The following EYS variants were observed in gnomAD, a reference collection of about 807,000 sequenced individuals.
EYS encodes the protein EGF-like photoreceptor maintenance factor, also known as protein eyes shut homolog.
EYS carries 250 observed loss-of-function variants against 282.1 expected under a neutral mutation model. That is an observed-to-expected ratio of 0.89 (90% CI 0.80 to 0.98). EYS has a LOEUF of 0.98. Ranked by LOEUF, EYS falls within the 50% of genes least tolerant of loss-of-function variation. The probability of loss-of-function intolerance (pLI) is 0.00; values close to 1 mark genes in which losing one functional copy is unlikely to be tolerated. For missense variants in EYS, 4,016 were observed against 3,709.0 expected, an observed-to-expected ratio of 1.08 and a Z score of -2.15; for synonymous variants, 1,355 against 1,282.9, an observed-to-expected ratio of 1.06 and a Z score of -1.20.
chr6:64,857,871 T>C (rs551730858), intron 19 of EYS, among the ~76,000 whole-genome samples: 5 of 152,310 alleles, frequency 3.3e-5, no homozygotes, highest in African/African-American at 1.2e-4. Flanking sequence ...GTTGAGCATT[T>C]TTTCATATAC....
intron 32 of EYS, among the ~76,000 whole-genome samples, chr6:64,081,230 A>G (rs1430526307): frequency 2.0e-5 from 3 of 152,172 alleles, no homozygotes; most frequent in African/African-American, 7.2e-5. Context: ...CAAAAGAGAA[A>G]ACAATTGTCA....
At chr6:65,350,573 T>A (rs958352228) in intron 9 of EYS, among the ~76,000 whole-genome samples, 1 of 151,718 alleles carries the variant, frequency 6.6e-6, no homozygotes, top group African/African-American at 2.4e-5. Context: ...GAAAGAGATT[T>A]AAAAGAATTT....
At chr6:65,438,858 A>G (rs900774639) in intron 5 of EYS, among the ~76,000 whole-genome samples, 2 of 152,098 alleles carry the variant, frequency 1.3e-5, no homozygotes, top group Non-Finnish European at 2.9e-5. Flanking sequence ...CTTTAGTTTA[A>G]TTAGATCCCA....
chr6:65,386,661 T>A (rs1386152469), intron 7 of EYS, among the ~76,000 whole-genome samples: 2 of 151,926 alleles, frequency 1.3e-5, no homozygotes, highest in Non-Finnish European at 2.9e-5. Context: ...TGGACCTTTT[T>A]AATAAATGTG....
At position 64,947,382 on chromosome 6, in the gene EYS, C is replaced by T. The variant is rs138831260; in HGVS notation, c.2260-1468G>A. On this transcript the variant is annotated intron_variant, in intron 14 of 42. Coordinates refer to ENST00000503581, the MANE Select transcript of EYS (RefSeq NM_001142800.2). ...AATGTATAAGAAGTTCTACTCAGTA[C>T]TGTGCTTTGGTTGAACAGGGCCAAT... is the stretch of plus-strand genomic sequence containing the variant. Among the ~76,000 whole-genome samples the T allele has an allele frequency of 8.5e-3, 1,298 of 151,902 alleles. 17 individuals carry two copies. Among genetic ancestry groups the T allele is most frequent in the African/African-American group, 0.029 (1,201 of 41,508 alleles).
chr6:64,688,179 C>G lies in EYS; in HGVS notation c.3444-61934G>C, dbSNP rs191647899. On this transcript the variant is annotated intron_variant, in intron 22 of 42. Transcript: ENST00000503581. ...GTGGATCTTTTCAAAAAAACAGCTC[C>G]CGGATTCATTGATTTTTTTAATGGT... 2.3e-3 allele frequency among the ~76,000 whole-genome samples: 344 copies of G among 151,862 alleles called. 3 individuals carry two copies. The highest frequency in any genetic ancestry group is 4.6e-3 in the Admixed American group (70 of 15,226).
At chr6:64,884,894 T>A (rs1185321463) in intron 19 of EYS, among the ~76,000 whole-genome samples, 1 of 151,668 alleles carries the variant, frequency 6.6e-6, no homozygotes, top group Non-Finnish European at 1.5e-5. Context: ...TGAGCAGTTT[T>A]GCTCAGTGAC....
At chr6:63,780,788 A>T (rs1291558348) in intron 39 of EYS, among the ~76,000 whole-genome samples, 1 of 152,132 alleles carries the variant, frequency 6.6e-6, no homozygotes, top group Admixed American at 6.6e-5. Context: ...TTTTGTTGCC[A>T]TTGCTTTTGA....
chr6:64,936,697 C>A (rs930868128), intron 15 of EYS, among the ~76,000 whole-genome samples: 2 of 151,202 alleles, frequency 1.3e-5, no homozygotes, highest in Non-Finnish European at 3.0e-5. Context: ...GATTCAAATT[C>A]TTAAGAATAG....
intron 35 of EYS, among the ~76,000 whole-genome samples, chr6:63,903,280 G>A (rs1375165674): frequency 2.0e-5 from 3 of 152,114 alleles, no homozygotes; most frequent in African/African-American, 7.2e-5. Context: ...TACATGTGAG[G>A]GGTAGGAAGG....
intron 32 of EYS, among the ~76,000 whole-genome samples, chr6:64,072,532 G>T (rs1050000158): frequency 6.6e-5 from 10 of 151,692 alleles, no homozygotes; most frequent in African/African-American, 2.4e-4. Flanking sequence ...GTGAGGTGGT[G>T]GTTGGGAGTT....
chr6:65,335,291 C>A, intron 10 of EYS, 145 bp from the exon 11 acceptor site: 1 of 694,640 alleles, frequency 1.4e-6, no homozygotes. Flanking sequence ...AACTATTGGA[C>A]AAGGGTTCAA....
chr6:64,647,867 G>C (rs1275628692), intron 22 of EYS, among the ~76,000 whole-genome samples: 1 of 152,074 alleles, frequency 6.6e-6, no homozygotes, highest in African/African-American at 2.4e-5. Context: ...GTGATCATAA[G>C]GGTTTATAGA....
intron 31 of EYS, among the ~76,000 whole-genome samples, chr6:64,175,644 A>G (rs1764605888): frequency 6.6e-6 from 1 of 152,200 alleles, no homozygotes; most frequent in East Asian, 1.9e-4. Flanking sequence ...ATCTCACCAG[A>G]TCAGCTTCAG....
chr6:63,901,508 C>G (rs984258765), intron 35 of EYS, among the ~76,000 whole-genome samples: 1 of 152,144 alleles, frequency 6.6e-6, no homozygotes, highest in African/African-American at 2.4e-5. Context: ...TATAACTTTA[C>G]AAATCCAAGA....
At chr6:65,082,533 A>G (rs1481998776) in intron 12 of EYS, among the ~76,000 whole-genome samples, 2 of 152,098 alleles carry the variant, frequency 1.3e-5, no homozygotes, top group African/African-American at 4.8e-5. Flanking sequence ...AAAAATCATA[A>G]CATACTCTAC....
intron 1 of EYS, among the ~76,000 whole-genome samples, chr6:65,702,864 T>C (rs1190283411): frequency 6.6e-6 from 1 of 152,128 alleles, no homozygotes; most frequent in Non-Finnish European, 1.5e-5. Flanking sequence ...GGTGCCATAG[T>C]ATCCACTTTT....
rs150466611 is a variant in EYS at position 65,113,426 on chromosome 6, A to G, written c.2024-55699T>C. Reference sequence around the variant, plus strand: ...AATTGTATAGGTTTATTCCTGAGAAAATACAGAGTTCAGTCACATAATAAT... The same window carrying G: ...AATTGTATAGGTTTATTCCTGAGAAGATACAGAGTTCAGTCACATAATAAT... On this transcript the variant is annotated intron_variant, in intron 12 of 42. Coordinates refer to ENST00000503581, the MANE Select transcript of EYS (RefSeq NM_001142800.2). Among the ~76,000 whole-genome samples, 716 of 152,118 alleles carry G rather than the reference A, an allele frequency of 4.7e-3. 6 individuals are homozygous for G. The highest frequency in any genetic ancestry group is 0.016 in the African/African-American group (682 of 41,530).
At chr6:64,414,093 C>A (rs759942072) in intron 28 of EYS, among the ~76,000 whole-genome samples, 62 of 152,186 alleles carry the variant, frequency 4.1e-4, no homozygotes, top group Non-Finnish European at 5.9e-4. Context: ...ATAAGCTACC[C>A]AGTTCATAGT....
Sources: allele counts gnomAD v4.1 joint callset (sites outside exome capture counted in the v4.1 genomes callset), GRCh38; gene constraint gnomAD v4.1.1; transcripts MANE v1.5; gene names NCBI Gene and HGNC (gene_info 2026-07-23, HGNC 2026-07-21).